GABRG3: variants seen among roughly 807,000 people sequenced by gnomAD.
GABRG3 encodes the protein gamma-aminobutyric acid type A receptor subunit gamma3, also known as gamma-aminobutyric acid receptor subunit gamma-3.
Under a neutral mutation model 48.8 loss-of-function variants are expected in GABRG3, and 25 were observed. The observed-to-expected ratio is 0.51, with a 90% CI of 0.37 to 0.72. The LOEUF (loss-of-function observed/expected upper bound fraction) is 0.72, where lower values mean the gene tolerates loss of function less well. Among genes scored for constraint, GABRG3 ranks in the 30% least tolerant of loss-of-function variants. The probability of loss-of-function intolerance (pLI) is 0.00; values close to 1 mark genes in which losing one functional copy is unlikely to be tolerated. For missense variants in GABRG3, 394 were observed against 577.9 expected, an observed-to-expected ratio of 0.68 and a Z score of 3.26; for synonymous variants, 227 against 217.6, an observed-to-expected ratio of 1.04 and a Z score of -0.38.
intron 5 of GABRG3, among the ~76,000 whole-genome samples, chr15:27,389,886 A>C (rs1731717272): frequency 6.6e-6 from 1 of 152,266 alleles, no homozygotes; most frequent in African/African-American, 2.4e-5. Flanking sequence ...ATGCGGGCAT[A>C]AAACTGCCTG....
intron 3 of GABRG3, among the ~76,000 whole-genome samples, chr15:27,196,970 A>C (rs937629758): frequency 1.3e-5 from 2 of 152,210 alleles, no homozygotes; most frequent in African/African-American, 4.8e-5. Flanking sequence ...GAGGTGAAAC[A>C]AATAGCCCAA....
chr15:27,328,723 A>G (rs1893702390), intron 4 of GABRG3, 83 bp from the exon 5 acceptor site: 1 of 1,145,182 alleles, frequency 8.7e-7, no homozygotes, highest in Non-Finnish European at 1.3e-6. Context: ...GGCCCTCTCC[A>G]TCCCCACATG....
At chr15:27,255,857 C>T (rs1325358815) in intron 3 of GABRG3, among the ~76,000 whole-genome samples, 3 of 151,984 alleles carry the variant, frequency 2.0e-5, no homozygotes, top group African/African-American at 4.8e-5. Flanking sequence ...TTTGAAGATG[C>T]CAAAGCTCCC....
chr15:27,118,311 C>T (rs147314719), intron 3 of GABRG3, among the ~76,000 whole-genome samples: 8 of 152,170 alleles, frequency 5.3e-5, no homozygotes, highest in African/African-American at 1.7e-4. Flanking sequence ...ATATGGTACA[C>T]GAGATAAGGA....
intron 3 of GABRG3, among the ~76,000 whole-genome samples, chr15:27,109,825 T>G (rs1897513889): frequency 6.6e-6 from 1 of 152,160 alleles, no homozygotes; most frequent in Non-Finnish European, 1.5e-5. Context: ...GAGGTTGTAG[T>G]GAGTGGAGAT....
At chr15:27,005,000 A>G (rs965540440) in intron 2 of GABRG3, among the ~76,000 whole-genome samples, 27 of 152,104 alleles carry the variant, frequency 1.8e-4, no homozygotes, top group African/African-American at 6.5e-4. Context: ...CTGGAAAGGC[A>G]AGAATAGCTG....
chr15:27,357,702 G>A (rs1320889679), intron 5 of GABRG3, among the ~76,000 whole-genome samples: 3 of 152,144 alleles, frequency 2.0e-5, no homozygotes, highest in Admixed American at 1.3e-4. Flanking sequence ...TCAATCTGTT[G>A]CAACATGTAA....
chr15:27,255,702 C>T (rs1890590351), intron 3 of GABRG3, among the ~76,000 whole-genome samples: 2 of 152,180 alleles, frequency 1.3e-5, no homozygotes, highest in African/African-American at 4.8e-5. Context: ...CCTCCCAGAC[C>T]TTGGAAATGC....
intron 3 of GABRG3, among the ~76,000 whole-genome samples, chr15:27,250,253 T>G (rs1456709235): frequency 6.6e-6 from 1 of 151,962 alleles, no homozygotes; most frequent in African/African-American, 2.4e-5. Context: ...ACCTGGAGAG[T>G]AAGCTCTGAT....
chr15:27,188,223 A>C (rs1040083065), intron 3 of GABRG3, among the ~76,000 whole-genome samples: 5 of 152,336 alleles, frequency 3.3e-5, no homozygotes, highest in East Asian at 3.9e-4. Context: ...CATGATTTAT[A>C]GTCCTTTGAG....
At chr15:27,034,831 T>TTTTGTGTGTGAACACATC (rs1440554730) in intron 3 of GABRG3, among the ~76,000 whole-genome samples, 9 of 152,214 alleles carry the variant, frequency 5.9e-5, no homozygotes. Context: ...GCTAGTCTGT[T>TTTTGTGTGTGAACACATC]TTTGTGTGTG....
intron 5 of GABRG3, among the ~76,000 whole-genome samples, chr15:27,398,184 A>G (rs1168007110): frequency 6.6e-6 from 1 of 152,186 alleles, no homozygotes; most frequent in Non-Finnish European, 1.5e-5. Context: ...CATATATGTC[A>G]AAGTCATTTA....
At chr15:27,250,033 C>T (rs905248053) in intron 3 of GABRG3, among the ~76,000 whole-genome samples, 8 of 152,074 alleles carry the variant, frequency 5.3e-5, no homozygotes, top group African/African-American at 1.4e-4. Context: ...GTCAGCATTG[C>T]GTCTGTGTGT....
intron 6 of GABRG3, chr15:27,480,997 A>G (rs1359846579): frequency 7.3e-7 from 1 of 1,377,350 alleles, no homozygotes; most frequent in Non-Finnish European, 9.4e-7. Context: ...TTTTGAATCC[A>G]GGCTGTGTTT....
In GABRG3 at chr15:27,207,437, G is replaced by A. The variant is rs1888891264; in HGVS notation, c.271-119372G>A. On this transcript the variant is annotated intron_variant, in intron 3 of 9. Coordinates refer to ENST00000615808, the MANE Select transcript of GABRG3 (RefSeq NM_033223.5). Reference sequence around the variant, plus strand: ...CCTTCCAAAGATTCACATTTTGAAAGCTCTATGAATTTAGGAGAGTCCTTC... The same window carrying A: ...CCTTCCAAAGATTCACATTTTGAAAACTCTATGAATTTAGGAGAGTCCTTC... 2.6e-5 allele frequency among the ~76,000 whole-genome samples: 4 copies of A among 152,196 alleles called. 1 individual carries two copies. In the South Asian group the frequency reaches 8.3e-4, roughly 31 times the overall value.
chr15:27,379,287 A>G (rs1895692812), intron 5 of GABRG3, among the ~76,000 whole-genome samples: 1 of 152,190 alleles, frequency 6.6e-6, no homozygotes, highest in Admixed American at 6.5e-5. Flanking sequence ...ATCCAAATCC[A>G]CTTTCAAATA....
intron 5 of GABRG3, among the ~76,000 whole-genome samples, chr15:27,405,661 T>C (rs551376034): frequency 4.0e-5 from 6 of 151,762 alleles, no homozygotes; most frequent in African/African-American, 1.2e-4. Context: ...CAAACGTTCA[T>C]CTGTAGGTGA....
At position 27,214,315 on chromosome 15, in the gene GABRG3, G is replaced by A. The variant is rs141507093; in HGVS notation, c.271-112494G>A. 6.6e-4 allele frequency among the ~76,000 whole-genome samples: 100 copies of A among 152,352 alleles called. 1 individual carries two copies. The highest frequency in any genetic ancestry group is 2.3e-3 in the African/African-American group (96 of 41,578). On this transcript the variant is annotated intron_variant, in intron 3 of 9. Coordinates refer to ENST00000615808, the MANE Select transcript of GABRG3 (RefSeq NM_033223.5). ...GCTACTTACTTAAGGAGATGGCCATGAGATGCCGACAAGGCCCCTGTAATG... is the reference window on the plus strand; with the variant it reads ...GCTACTTACTTAAGGAGATGGCCATAAGATGCCGACAAGGCCCCTGTAATG...
intron 2 of GABRG3, among the ~76,000 whole-genome samples, chr15:27,011,827 G>A (rs901449162): frequency 2.8e-5 from 4 of 145,342 alleles, no homozygotes; most frequent in Non-Finnish European, 4.5e-5. Context: ...CAGGCTGGGC[G>A]ACAGAGCAAG....
Sources: allele counts gnomAD v4.1 joint callset (sites outside exome capture counted in the v4.1 genomes callset), GRCh38; gene constraint gnomAD v4.1.1; transcripts MANE v1.5; gene names NCBI Gene and HGNC (gene_info 2026-07-23, HGNC 2026-07-21).